PAN3: variants seen among roughly 807,000 people sequenced by gnomAD.
PAN3 encodes the protein PAN2-PAN3 deadenylation complex subunit PAN3.
PAN3 carries 19 observed loss-of-function variants against 96.2 expected under a neutral mutation model. The observed-to-expected ratio is 0.20, with a 90% CI of 0.14 to 0.29. The LOEUF is 0.29. PAN3 is among the 10% of genes least tolerant of loss of function. PAN3 has a pLI of 1.00. For missense variants in PAN3, 882 were observed against 1,108.1 expected, an observed-to-expected ratio of 0.80 and a Z score of 2.90; for synonymous variants, 433 against 406.6, an observed-to-expected ratio of 1.06 and a Z score of -0.78.
chr13:28,156,848 A>T (rs545850598), intron 1 of PAN3, among the ~76,000 whole-genome samples: 10 of 152,200 alleles, frequency 6.6e-5, no homozygotes, highest in Admixed American at 2.6e-4. Flanking sequence ...TTAAAAAATT[A>T]GCTGGGTGTG....
chr13:28,262,699 A>G (rs1885840647), intron 9 of PAN3, among the ~76,000 whole-genome samples: 1 of 103,486 alleles, frequency 9.7e-6, no homozygotes, highest in Non-Finnish European at 2.4e-5. Context: ...CAGATTAGAC[A>G]TTATTTGAAA....
At chr13:28,223,762 C>T (rs1881666806) in intron 6 of PAN3, among the ~76,000 whole-genome samples, 1 of 151,384 alleles carries the variant, frequency 6.6e-6, no homozygotes, top group Non-Finnish European at 1.5e-5. Context: ...TCTAGTAGCT[C>T]TGGCTTAGGC....
Position 28,258,889 on chromosome 13 carries a change from G to C in PAN3, c.1249-1558G>C, listed in dbSNP as rs553088320. ...CTCTAGATTACTTATAATACCTAATGCAGTATAAGTGCTTTGTGAATAGTT... is the reference window on the plus strand; with the variant it reads ...CTCTAGATTACTTATAATACCTAATCCAGTATAAGTGCTTTGTGAATAGTT... On this transcript the variant is annotated intron_variant, in intron 7 of 18. Transcript: ENST00000380958. 1.6e-4 allele frequency among the ~76,000 whole-genome samples: 25 copies of C among 152,230 alleles called. No homozygotes were observed. In the South Asian group the frequency reaches 4.1e-3, roughly 25 times the overall value.
chr13:28,146,328 T>C (rs977656540), intron 1 of PAN3, among the ~76,000 whole-genome samples: 2 of 142,052 alleles, frequency 1.4e-5, no homozygotes, highest in Non-Finnish European at 3.1e-5. Context: ...CTCTCTCTCA[T>C]ATTAGCTTGG....
At chr13:28,224,103 C>A (rs1479343167) in intron 6 of PAN3, among the ~76,000 whole-genome samples, 1 of 151,802 alleles carries the variant, frequency 6.6e-6, no homozygotes, top group Non-Finnish European at 1.5e-5. Context: ...GATCTCCTGA[C>A]TTCGTGGTCT....
chr13:28,167,673 CAAAAA>C (rs1166063021), intron 1 of PAN3, among the ~76,000 whole-genome samples: 48 of 61,334 alleles, frequency 7.8e-4, no homozygotes, highest in African/African-American at 2.9e-3. Flanking sequence ...CCTGTCTCTA[CAAAAA>C]AAAAAAAAAA....
intron 1 of PAN3, among the ~76,000 whole-genome samples, chr13:28,141,070 C>G (rs928958264): frequency 7.1e-6 from 1 of 141,068 alleles, no homozygotes; most frequent in African/African-American, 2.8e-5. Flanking sequence ...GTGGTGCGAT[C>G]TCGGCTCACA....
At chr13:28,141,718 C>G (rs1299182746) in intron 1 of PAN3, among the ~76,000 whole-genome samples, 1 of 152,048 alleles carries the variant, frequency 6.6e-6, no homozygotes, top group African/African-American at 2.4e-5. Flanking sequence ...CCGCCTGCCT[C>G]GGCCTCCTAG....
Position 28,138,780 on chromosome 13 carries a change from G to A in PAN3, c.123G>A (p.Ala41=), listed in dbSNP as rs1321549533. The change falls in exon 1 of 19, where the codon GCG becomes GCA. Residue 41 remains alanine (A), a synonymous_variant. Coordinates refer to ENST00000380958, the MANE Select transcript of PAN3 (RefSeq NM_175854.8). ...PGVGGVPGGA[A]VGVKLKYCRY... ...TCGGGGGTGTCCCCGGCGGGGCGGC[G>A]GTAGGAGTGAAGCTGAAGTACTGCC... 3.6e-6 allele frequency: 5 copies of A among 1,382,322 alleles called. No individual in the cohort carries two copies. The highest frequency in any genetic ancestry group is 1.9e-4 in the Middle Eastern group (1 of 5,396). 85.6% of individuals were successfully genotyped at this position (1,382,322 alleles called of 1,614,324 possible).
chr13:28,275,003 A>G (rs1886943379), intron 14 of PAN3, among the ~76,000 whole-genome samples: 1 of 152,194 alleles, frequency 6.6e-6, no homozygotes, highest in Admixed American at 6.5e-5. Context: ...GAAATCAAGA[A>G]GTCAAGAATC....
chr13:28,253,220 C>T (rs1028902010), intron 6 of PAN3, among the ~76,000 whole-genome samples: 2 of 152,132 alleles, frequency 1.3e-5, no homozygotes, highest in African/African-American at 4.8e-5. Context: ...TTAATTTGAG[C>T]AGAATCTGCT....
chr13:28,274,688 T>G (rs1886918581), intron 14 of PAN3, among the ~76,000 whole-genome samples: 1 of 152,202 alleles, frequency 6.6e-6, no homozygotes, highest in Non-Finnish European at 1.5e-5. Flanking sequence ...CCTTCATTCA[T>G]AAAATCAGGC....
intron 4 of PAN3, among the ~76,000 whole-genome samples, chr13:28,188,035 T>C (rs75132660): frequency 6.6e-6 from 1 of 152,222 alleles, no homozygotes; most frequent in African/African-American, 2.4e-5. Flanking sequence ...ATCTATGTTT[T>C]ATTAATCAGA....
rs549202181 is a variant in PAN3 at position 28,214,324 on chromosome 13, T to C, written c.853-5907T>C. Among the ~76,000 whole-genome samples, 10 of 152,296 alleles carry C rather than the reference T, an allele frequency of 6.6e-5. No homozygotes were observed. The East Asian group carries it at 1.9e-3, about 29-fold the overall frequency. On this transcript the variant is annotated intron_variant, in intron 5 of 18. Coordinates refer to ENST00000380958, the MANE Select transcript of PAN3 (RefSeq NM_175854.8). ...CCAAAACTTGGAAACAATCTAAATA[T>C]CTAATGGATGAAAGGATAAACAAAT...
intron 1 of PAN3, among the ~76,000 whole-genome samples, chr13:28,147,422 C>T (rs552376547): frequency 6.6e-6 from 1 of 151,794 alleles, no homozygotes; most frequent in Non-Finnish European, 1.5e-5. Context: ...CCCAATAAAA[C>T]CCTTGTTAAG....
chr13:28,260,624 C>A, intron 8 of PAN3, 73 bp downstream of exon 8: 1 of 1,210,342 alleles, frequency 8.3e-7, no homozygotes, highest in Non-Finnish European at 1.2e-6. Context: ...AAGAACAGAG[C>A]TCTTTTCAAA....
intron 5 of PAN3, among the ~76,000 whole-genome samples, chr13:28,213,999 G>A (rs1880406833): frequency 6.6e-6 from 1 of 152,044 alleles, no homozygotes. Context: ...AAATAGTACA[G>A]CTAGGCTGGA....
At chr13:28,256,255 A>T (rs931890959) in intron 6 of PAN3, 37 bp from the exon 7 acceptor site, 6 of 1,585,140 alleles carry the variant, frequency 3.8e-6, no homozygotes, top group Non-Finnish European at 4.3e-6. Flanking sequence ...AAAACCAATT[A>T]TTGCTCCATT....
chr13:28,230,323 T>G (rs759253830), intron 6 of PAN3, among the ~76,000 whole-genome samples: 2 of 152,098 alleles, frequency 1.3e-5, no homozygotes, highest in Non-Finnish European at 2.9e-5. Flanking sequence ...AATTAGTTAC[T>G]ATAACTTTTA....
Sources: gnomAD v4.1 joint callset for allele counts (sites outside exome capture counted in the v4.1 genomes callset) on GRCh38, gnomAD v4.1.1 for gene constraint, MANE v1.5 for transcripts, NCBI Gene and HGNC (gene_info 2026-07-23, HGNC 2026-07-21) for gene names.